Variants in HMBOX1 observed in about 807,000 individuals in gnomAD.
The protein encoded by HMBOX1 is homeobox-containing protein 1.
In HMBOX1, 14 loss-of-function variants were observed where a neutral mutation model predicts 54.5. The observed-to-expected ratio is 0.26, with a 90% confidence interval of 0.17 to 0.40. HMBOX1 has a LOEUF of 0.40. Ranked by LOEUF, HMBOX1 falls within the 10% of genes least tolerant of loss-of-function variation. HMBOX1 has a pLI of 1.00. For missense variants in HMBOX1, 332 were observed against 514.4 expected, an observed-to-expected ratio of 0.65 and a Z score of 3.43; for synonymous variants, 160 against 181.0, an observed-to-expected ratio of 0.88 and a Z score of 0.93.
chr8:28,919,342 T>C (rs943269189), intron 1 of HMBOX1, among the ~76,000 whole-genome samples: 58 of 152,230 alleles, frequency 3.8e-4, no homozygotes, highest in African/African-American at 1.4e-3. Flanking sequence ...CACAATACTG[T>C]ATTTTCATGT....
At chr8:28,902,719 G>T (rs1433298784) in intron 1 of HMBOX1, among the ~76,000 whole-genome samples, 1 of 152,106 alleles carries the variant, frequency 6.6e-6, no homozygotes, top group East Asian at 1.9e-4. Flanking sequence ...TCTATCCTTG[G>T]AAACTTGAGG....
intron 1 of HMBOX1, among the ~76,000 whole-genome samples, chr8:28,932,622 A>C (rs551648471): frequency 6.6e-6 from 1 of 152,048 alleles, no homozygotes. Context: ...CTTTTCATCT[A>C]TTTTTTTATC....
chr8:29,046,989 TAAAA>T (rs1222018623), intron 7 of HMBOX1, among the ~76,000 whole-genome samples: 3 of 151,948 alleles, frequency 2.0e-5, no homozygotes, highest in African/African-American at 7.2e-5. Flanking sequence ...CTCAAAAAAA[TAAAA>T]AAAGAATATC....
rs756283010 is a variant in HMBOX1, at chr8:29,045,439, G to GCCAT, written c.933_934insTCCA (p.Gly312SerfsTer18). The GCCAT allele has an allele frequency of 6.2e-7, 1 of 1,613,654 alleles. No homozygotes were observed. The highest frequency in any genetic ancestry group is 8.5e-7 in the Non-Finnish European group (1 of 1,179,576). On this transcript the variant is annotated frameshift_variant, in exon 7 of 10. Coordinates refer to ENST00000287701, the MANE Select transcript of HMBOX1 (RefSeq NM_001135726.3). LOFTEE classifies it high-confidence loss of function. ...ACGCTTGCAATGCAGTTATACAGAAGCCAGGTAAGGTCGCAGGCACAGCCT... is the reference window on the plus strand; with the variant it reads ...ACGCTTGCAATGCAGTTATACAGAAGCCATCCAGGTAAGGTCGCAGGCACAGCCT...
chr8:28,943,300 A>T (rs1233177009), intron 1 of HMBOX1, among the ~76,000 whole-genome samples: 2 of 152,248 alleles, frequency 1.3e-5, no homozygotes, highest in South Asian at 4.1e-4. Flanking sequence ...CCAAGGAAGC[A>T]GTGAGGACCA....
chr8:29,009,380 A>T, intron 5 of HMBOX1, 198 bp downstream of exon 5: 1 of 769,846 alleles, frequency 1.3e-6, no homozygotes, highest in Non-Finnish European at 1.6e-6. Flanking sequence ...AATATTATCT[A>T]GTCATATTCA....
chr8:29,042,204 G>C (rs1804932504), intron 6 of HMBOX1, among the ~76,000 whole-genome samples: 1 of 152,110 alleles, frequency 6.6e-6, no homozygotes, highest in Non-Finnish European at 1.5e-5. Context: ...TGGGCACAGG[G>C]AAAAGATGAG....
At chr8:29,011,301 G>T (rs575688277) in intron 5 of HMBOX1, among the ~76,000 whole-genome samples, 107 of 152,316 alleles carry the variant, frequency 7.0e-4, no homozygotes, top group African/African-American at 2.4e-3. Context: ...AGCATTAGGA[G>T]GTTGTAGCAC....
chr8:29,042,190 T>C (rs760884727), intron 6 of HMBOX1, among the ~76,000 whole-genome samples: 2 of 152,172 alleles, frequency 1.3e-5, no homozygotes, highest in African/African-American at 2.4e-5. Flanking sequence ...CTAAGATCAC[T>C]GTATGGGCAC....
chr8:28,900,555 T>C (rs887309323), intron 1 of HMBOX1, among the ~76,000 whole-genome samples: 8 of 152,022 alleles, frequency 5.3e-5, no homozygotes, highest in Admixed American at 5.2e-4. Flanking sequence ...TCTGATTGCT[T>C]ATGTCAGTAG....
At chr8:28,918,871 C>T (rs1356366838) in intron 1 of HMBOX1, among the ~76,000 whole-genome samples, 1 of 152,114 alleles carries the variant, frequency 6.6e-6, no homozygotes, top group Non-Finnish European at 1.5e-5. Flanking sequence ...GTTTACACAC[C>T]TGTATTCAGT....
At chr8:28,968,097 T>G (rs1167464022) in intron 2 of HMBOX1, among the ~76,000 whole-genome samples, 3 of 152,156 alleles carry the variant, frequency 2.0e-5, no homozygotes, top group Admixed American at 2.0e-4. Context: ...CATATGGAAA[T>G]TGTGTATATG....
In HMBOX1 at chr8:28,953,096, C is replaced by T. The variant is rs544502602; in HGVS notation, c.-57-10715C>T. On this transcript the variant is annotated intron_variant, in intron 1 of 9. Transcript: ENST00000287701. ...TAAACGAGCTGTTAACTATAAAGTACTTATTTCCCAGTGAGTGTCTGACCC... is the reference window on the plus strand; with the variant it reads ...TAAACGAGCTGTTAACTATAAAGTATTTATTTCCCAGTGAGTGTCTGACCC... Among the ~76,000 whole-genome samples, 22 of 152,300 alleles carry T rather than the reference C, an allele frequency of 1.4e-4. 1 individual carries two copies. In the South Asian group the frequency reaches 4.6e-3, roughly 32 times the overall value.
At chr8:28,948,815 C>G (rs2132100551) in intron 1 of HMBOX1, among the ~76,000 whole-genome samples, 1 of 152,230 alleles carries the variant, frequency 6.6e-6, no homozygotes, top group East Asian at 1.9e-4. Flanking sequence ...AATGAAATCT[C>G]TTTCTCCAAT....
At chr8:28,952,000 C>G (rs977582631) in intron 1 of HMBOX1, among the ~76,000 whole-genome samples, 1 of 151,990 alleles carries the variant, frequency 6.6e-6, no homozygotes, top group African/African-American at 2.4e-5. Context: ...AGTTGGATCC[C>G]TGTCTCTACA....
rs117293611 is a variant in HMBOX1, at chr8:29,039,203, T to C, written c.852-6158T>C. On this transcript the variant is annotated intron_variant, in intron 6 of 9. Transcript: ENST00000287701. ...GGTGACTACTTGGGGAAGCTTTGTCTGGTTCACCTTTGCCACCATTTAGCC... is the reference window on the plus strand; with the variant it reads ...GGTGACTACTTGGGGAAGCTTTGTCCGGTTCACCTTTGCCACCATTTAGCC... Among the ~76,000 whole-genome samples the C allele has an allele frequency of 5.4e-3, 821 of 152,328 alleles. 5 individuals are homozygous for C. The highest frequency in any genetic ancestry group is 0.01 in the Middle Eastern group (3 of 294).
chr8:28,899,099 C>T (rs1812716610), intron 1 of HMBOX1, among the ~76,000 whole-genome samples: 1 of 152,160 alleles, frequency 6.6e-6, no homozygotes, highest in African/African-American at 2.4e-5. Context: ...TTAAGATTTG[C>T]TTTTTATTCT....
At chr8:29,016,946 G>A (rs942550793) in intron 5 of HMBOX1, among the ~76,000 whole-genome samples, 8 of 152,230 alleles carry the variant, frequency 5.3e-5, no homozygotes, top group African/African-American at 1.9e-4. Flanking sequence ...GGGACTATAC[G>A]GAGGTGTGCA....
intron 1 of HMBOX1, among the ~76,000 whole-genome samples, chr8:28,959,872 T>A (rs771440927): frequency 5.3e-5 from 8 of 152,200 alleles, no homozygotes; most frequent in Non-Finnish European, 1.0e-4. Flanking sequence ...TTTGATATAT[T>A]CTGTTTTACT....
Sources: allele counts gnomAD v4.1 joint callset (sites outside exome capture counted in the v4.1 genomes callset), GRCh38; gene constraint gnomAD v4.1.1; transcripts MANE v1.5; gene names NCBI Gene and HGNC (gene_info 2026-07-23, HGNC 2026-07-21).